FOLR3: variants seen among roughly 807,000 people sequenced by gnomAD.
The protein encoded by FOLR3 is folate receptor gamma.
In FOLR3, 9 loss-of-function variants were observed where a neutral mutation model predicts 20.0. The ratio of observed to expected loss-of-function variants is 0.45; its 90% CI spans 0.27 to 0.79. The LOEUF (loss-of-function observed/expected upper bound fraction) is 0.79. Ranked by LOEUF, FOLR3 falls within the 30% of genes least tolerant of loss-of-function variation. FOLR3 has a pLI of 0.15. For missense variants in FOLR3, 309 were observed against 323.5 expected, an observed-to-expected ratio of 0.96 and a Z score of 0.34; for synonymous variants, 124 against 115.5, an observed-to-expected ratio of 1.07 and a Z score of -0.47.
intron 2 of FOLR3, among the ~76,000 whole-genome samples, chr11:72,137,187 C>T (rs1051424508): frequency 6.6e-6 from 1 of 152,166 alleles, no homozygotes; most frequent in Non-Finnish European, 1.5e-5. Flanking sequence ...GCAATTGATT[C>T]ATGATTTCTC....
Position 72,139,382 on chromosome 11 carries a change from C to T in FOLR3, c.393C>T (p.Asn131=), listed in dbSNP as rs1298981751. ...NQSWRKERIL[N]VPLCKEDCER... Reference sequence around the variant, plus strand: ...GCTGGCGCAAAGAGCGCATTCTGAACGTGCCCCTGTGCAAAGAGGACTGTG... The same window carrying T: ...GCTGGCGCAAAGAGCGCATTCTGAATGTGCCCCTGTGCAAAGAGGACTGTG... Residue 131 remains asparagine, a synonymous_variant, in exon 4 of 5, where the codon AAC becomes AAT. Transcript: ENST00000611028. The T allele has an allele frequency of 1.3e-5, 21 of 1,611,954 alleles. No homozygotes were observed. The highest frequency in any genetic ancestry group is 3.3e-4 in the Middle Eastern group (2 of 6,060).
At position 72,139,129 on chromosome 11, in the gene FOLR3, C is replaced by G; in HGVS notation, c.337C>G (p.Leu113Val). The stretch of plus-strand genomic sequence containing the variant: ...CTGTCTCTATGAGTGCTCACCCAAC[C>G]TGGGGCCCTGGATCCGGCAGGTATG... ...DSCLYECSPN[L>V]GPWIRQVNQS... Residue 113 changes from leucine to valine, a missense_variant, in exon 3 of 5, where the codon CTG (leucine) becomes GTG (valine). Physicochemically the swap from Leu to Val is conservative, Grantham distance 32 (BLOSUM62 1). Coordinates refer to ENST00000611028, the MANE Select transcript of FOLR3 (RefSeq NM_000804.4). The G allele has an allele frequency of 6.2e-7, 1 of 1,613,460 alleles. No individual in the cohort carries two copies. The highest frequency in any genetic ancestry group is 8.5e-7 in the Non-Finnish European group (1 of 1,179,566).
chr11:72,137,103 C>T (rs1947751312), intron 2 of FOLR3, among the ~76,000 whole-genome samples: 1 of 152,166 alleles, frequency 6.6e-6, no homozygotes, highest in Admixed American at 6.5e-5. Flanking sequence ...TATTGTTTCT[C>T]CTGGGTGCTC....
intron 2 of FOLR3, among the ~76,000 whole-genome samples, chr11:72,137,200 G>A (rs1235685044): frequency 6.6e-6 from 1 of 152,128 alleles, no homozygotes; most frequent in Admixed American, 6.5e-5. Context: ...GATTTCTCAG[G>A]TTTTCTGAGT....
At chr11:72,136,153 A>T (rs377688175) in intron 2 of FOLR3, 33 bp downstream of exon 2, 12 of 1,612,052 alleles carry the variant, frequency 7.4e-6, no homozygotes, top group Non-Finnish European at 1.0e-5. Context: ...CAGCATGCAC[A>T]CAGGTCAGAG....
chr11:72,138,178 C>A (rs1398937486), intron 2 of FOLR3, among the ~76,000 whole-genome samples: 3 of 152,198 alleles, frequency 2.0e-5, no homozygotes. Flanking sequence ...ACCAGCCTGG[C>A]AAACATGGTG....
At chr11:72,139,291 G>T in intron 3 of FOLR3, 56 bp from the exon 4 acceptor site, 1 of 1,586,586 alleles carries the variant, frequency 6.3e-7, no homozygotes, top group Non-Finnish European at 8.6e-7. Context: ...CCCCTTCAAG[G>T]GTAAAGCTGC....
rs1947780247 is a variant in FOLR3, at chr11:72,139,055, A to C, written c.263A>C (p.His88Pro). ...CGCCTGTACAACTTTAACTGGGATCACTGTGGTAAGATGGAACCCACCTGC... is the reference window on the plus strand; with the variant it reads ...CGCCTGTACAACTTTAACTGGGATCCCTGTGGTAAGATGGAACCCACCTGC... ...TSRLYNFNWD[H>P]CGKMEPTCKR... The change falls in exon 3 of 5, where the codon CAC becomes CCC. Residue 88 changes from histidine to proline, a missense_variant. His to Pro is a moderately conservative substitution (Grantham distance 77). Coordinates refer to ENST00000611028, the MANE Select transcript of FOLR3 (RefSeq NM_000804.4). 6.2e-7 allele frequency: 1 copy of C among 1,614,020 alleles called. No homozygotes were observed.
At position 72,138,942 on chromosome 11, in the gene FOLR3, CTG is replaced by C. The variant is rs751184547; in HGVS notation, c.169-15_169-14del. 6.2e-7 allele frequency: 1 copy of C among 1,613,474 alleles called. No homozygotes were observed. Among genetic ancestry groups the C allele is most frequent in the African/African-American group, 1.3e-5 (1 of 75,002 alleles). On this transcript the variant is annotated splice_polypyrimidine_tract_variant and intron_variant, in intron 2 of 4. Coordinates refer to ENST00000611028, the MANE Select transcript of FOLR3 (RefSeq NM_000804.4). ...GGCTGTGGTGGGGAGAGACTTAGTC[CTG>C]TGTCTTCCCCACCCAGTGCAGTCCC...
In FOLR3 at chr11:72,136,139, A is replaced by T; in HGVS notation, c.168+19A>T. The T allele has an allele frequency of 6.2e-7, 1 of 1,613,606 alleles. No homozygotes were observed. The highest frequency in any genetic ancestry group is 1.3e-5 in the African/African-American group (1 of 75,052). On this transcript the variant is annotated intron_variant, in intron 2 of 4. Coordinates refer to ENST00000611028, the MANE Select transcript of FOLR3 (RefSeq NM_000804.4). ...TGGCCAGGTGAGGGCAGCCTGGTGT[A>T]GGACAGCATGCACACAGGTCAGAGG...
At chr11:72,137,798 A>G (rs1247996066) in intron 2 of FOLR3, among the ~76,000 whole-genome samples, 4 of 152,100 alleles carry the variant, frequency 2.6e-5, no homozygotes, top group Admixed American at 6.5e-5. Context: ...TAAACTCTGT[A>G]AAAATGGGGG....
chr11:72,136,532 AC>A (rs1947745027), intron 2 of FOLR3, among the ~76,000 whole-genome samples: 1 of 151,502 alleles, frequency 6.6e-6, no homozygotes, highest in African/African-American at 2.4e-5. Context: ...AAAAAAAAAA[AC>A]AAATACATAA....
At position 72,139,437 on chromosome 11, in the gene FOLR3, T is replaced by C. The variant is rs1037736325; in HGVS notation, c.448T>C (p.Tyr150His). Residue 150 changes from tyrosine to histidine, a missense_variant, in exon 4 of 5, where the codon TAC becomes CAC. By Grantham distance (83) the Tyr-to-His change is moderately conservative. Transcript: ENST00000611028. Reference sequence around the variant, plus strand: ...CTGGTGGGAGGACTGTCGCACCTCCTACACCTGCAAAAGCAACTGGCACAA... The same window carrying C: ...CTGGTGGGAGGACTGTCGCACCTCCCACACCTGCAAAAGCAACTGGCACAA... ...ERWWEDCRTSYTCKSNWHKGW... is the reference protein window; with the variant it reads ...ERWWEDCRTSHTCKSNWHKGW... 6.2e-7 allele frequency: 1 copy of C among 1,613,016 alleles called. No homozygotes were observed. The highest frequency in any genetic ancestry group is 1.3e-5 in the African/African-American group (1 of 74,908).
intron 2 of FOLR3, among the ~76,000 whole-genome samples, chr11:72,137,131 G>A (rs1231433085): frequency 6.6e-6 from 1 of 152,118 alleles, no homozygotes; most frequent in African/African-American, 2.4e-5. Flanking sequence ...TCACGCCTCT[G>A]CCATCACTTG....
chr11:72,135,979 G>A lies in FOLR3; in HGVS notation c.27G>A (p.Gln9=), dbSNP rs1476622621. 6.2e-7 allele frequency: 1 copy of A among 1,613,930 alleles called. No individual in the cohort carries two copies. Among genetic ancestry groups the A allele is most frequent in the Non-Finnish European group, 8.5e-7 (1 of 1,179,822 alleles). The part of the protein sequence containing the change: MDMAWQMM[Q]LLLLALVTAA... ...TGGACATGGCCTGGCAGATGATGCA[G>A]CTGCTGCTTCTGGCTTTGGTGACTG... Residue 9 remains glutamine, a synonymous_variant, in exon 2 of 5, where the codon CAG becomes CAA. Coordinates refer to ENST00000611028, the MANE Select transcript of FOLR3 (RefSeq NM_000804.4).
chr11:72,135,868 G>A, intron 1 of FOLR3, 79 bp from the exon 2 acceptor site: 2 of 1,441,056 alleles, frequency 1.4e-6, no homozygotes, highest in South Asian at 2.4e-5. Context: ...TCTGGGCCTG[G>A]GAGGGAGAGA....
intron 2 of FOLR3, among the ~76,000 whole-genome samples, chr11:72,138,620 T>C (rs1304286496): frequency 6.6e-6 from 1 of 150,586 alleles, no homozygotes; most frequent in Non-Finnish European, 1.5e-5. Flanking sequence ...AAAAATACTT[T>C]ATATTAGCCA....
chr11:72,139,278 G>A, intron 3 of FOLR3, 69 bp from the exon 4 acceptor site: 2 of 1,570,890 alleles, frequency 1.3e-6, no homozygotes, highest in Non-Finnish European at 1.7e-6. Flanking sequence ...CCACAGCTCT[G>A]GTCCCCTTCA....
chr11:72,135,975 T>C lies in FOLR3; in HGVS notation c.23T>C (p.Met8Thr). 1.2e-6 allele frequency: 2 copies of C among 1,613,846 alleles called. No individual in the cohort carries two copies. Among genetic ancestry groups the C allele is most frequent in the Admixed American group, 3.3e-5 (2 of 60,014 alleles). Residue 8 changes from methionine (M) to threonine (T), a missense_variant, in exon 2 of 5, where the codon ATG (methionine) becomes ACG (threonine). By Grantham distance (81) the Met-to-Thr change is moderately conservative (BLOSUM62 -1). Transcript: ENST00000611028. ...TAGATGGACATGGCCTGGCAGATGATGCAGCTGCTGCTTCTGGCTTTGGTG... is the reference window on the plus strand; with the variant it reads ...TAGATGGACATGGCCTGGCAGATGACGCAGCTGCTGCTTCTGGCTTTGGTG... MDMAWQMMQLLLLALVTA... is the reference protein window; with the variant it reads MDMAWQMTQLLLLALVTA...
Sources: allele counts gnomAD v4.1 joint callset (sites outside exome capture counted in the v4.1 genomes callset), GRCh38; gene constraint gnomAD v4.1.1; transcripts MANE v1.5; gene names NCBI Gene and HGNC (gene_info 2026-07-23, HGNC 2026-07-21).